The following DSCAM variants were observed in gnomAD, a reference collection of about 807,000 sequenced individuals.
DSCAM encodes cell adhesion molecule DSCAM.
DSCAM carries 47 observed loss-of-function variants against 217.7 expected under a neutral mutation model. The ratio of observed to expected loss-of-function variants is 0.22; its 90% CI spans 0.17 to 0.28. The LOEUF (loss-of-function observed/expected upper bound fraction) is 0.28. DSCAM is among the 10% of genes least tolerant of loss of function. The pLI, the probability that DSCAM is intolerant of heterozygous loss-of-function variation, is 1.00. For missense variants in DSCAM, 2,080 were observed against 2,618.3 expected, an observed-to-expected ratio of 0.79 and a Z score of 4.49; for synonymous variants, 1,056 against 1,015.3, an observed-to-expected ratio of 1.04 and a Z score of -0.76.
At chr21:40,283,744 T>C (rs928922980) in intron 10 of DSCAM, among the ~76,000 whole-genome samples, 6 of 152,202 alleles carry the variant, frequency 3.9e-5, no homozygotes, top group Admixed American at 2.0e-4. Flanking sequence ...AGGAGAATAA[T>C]CCATTTACAT....
At chr21:40,693,114 G>T (rs146655760) in intron 2 of DSCAM, among the ~76,000 whole-genome samples, 158 bp from the exon 3 acceptor site, 1 of 152,010 alleles carries the variant, frequency 6.6e-6, no homozygotes, top group African/African-American at 2.4e-5. Flanking sequence ...GTCTTTCATC[G>T]CCTGACTTAA....
At chr21:40,606,389 C>A (rs2089238730) in intron 3 of DSCAM, among the ~76,000 whole-genome samples, 1 of 152,186 alleles carries the variant, frequency 6.6e-6, no homozygotes, top group Non-Finnish European at 1.5e-5. Flanking sequence ...TCCAGAGGAG[C>A]TGGAAATCCA....
At chr21:40,281,936 A>G (rs1392844771) in intron 10 of DSCAM, among the ~76,000 whole-genome samples, 1 of 152,188 alleles carries the variant, frequency 6.6e-6, no homozygotes, top group East Asian at 1.9e-4. Context: ...CGTTGCTTCA[A>G]TCAGAAGAGG....
chr21:40,201,919 G>A (rs1457032288), intron 11 of DSCAM, among the ~76,000 whole-genome samples: 1 of 152,158 alleles, frequency 6.6e-6, no homozygotes, highest in Non-Finnish European at 1.5e-5. Context: ...TGAGCCATGG[G>A]TTAGCCAGTT....
At chr21:40,416,771 ACT>A (rs2075375555) in intron 3 of DSCAM, among the ~76,000 whole-genome samples, 1 of 152,128 alleles carries the variant, frequency 6.6e-6, no homozygotes, top group Non-Finnish European at 1.5e-5. Context: ...GTATTATACT[ACT>A]CTCTAGTGGT....
intron 8 of DSCAM, among the ~76,000 whole-genome samples, chr21:40,318,086 C>CA (rs1156365304): frequency 6.8e-6 from 1 of 146,572 alleles, no homozygotes; most frequent in Non-Finnish European, 1.5e-5. Context: ...GTCGCAAGGA[C>CA]AAAAAACCAA....
chr21:40,554,475 T>G (rs1221960163), intron 3 of DSCAM, among the ~76,000 whole-genome samples: 1 of 152,148 alleles, frequency 6.6e-6, no homozygotes, highest in African/African-American at 2.4e-5. Context: ...TCCTTCACCT[T>G]GTGGACAATT....
chr21:40,509,843 G>T (rs1221208679), intron 3 of DSCAM, among the ~76,000 whole-genome samples: 1 of 152,156 alleles, frequency 6.6e-6, no homozygotes, highest in African/African-American at 2.4e-5. Context: ...AAAGAATCTA[G>T]GCTGGGTGAG....
intron 3 of DSCAM, among the ~76,000 whole-genome samples, chr21:40,690,668 T>C (rs2090528878): frequency 6.6e-6 from 1 of 151,612 alleles, no homozygotes; most frequent in South Asian, 2.1e-4. Flanking sequence ...CCTCACTAGA[T>C]ACACATTTCC....
At chr21:40,679,482 G>A (rs1417005080) in intron 3 of DSCAM, among the ~76,000 whole-genome samples, 18 of 152,188 alleles carry the variant, frequency 1.2e-4, no homozygotes, top group Non-Finnish European at 2.1e-4. Flanking sequence ...CATCTGTAAA[G>A]TGGGGCCGAC....
chr21:40,266,777 C>CATACATATAT (rs1555896634), intron 11 of DSCAM, among the ~76,000 whole-genome samples: 1 of 109,098 alleles, frequency 9.2e-6, no homozygotes, highest in East Asian at 2.6e-4. Context: ...TTTTCACATG[C>CATACATATAT]ATATATATAT....
At chr21:40,183,785 G>A (rs532399285) in intron 14 of DSCAM, among the ~76,000 whole-genome samples, 139 of 152,286 alleles carry the variant, frequency 9.1e-4, no homozygotes, top group African/African-American at 2.6e-3. Context: ...TTTCTGTTAC[G>A]AATGTGAAGT....
chr21:40,609,404 T>C (rs138130436), intron 3 of DSCAM, among the ~76,000 whole-genome samples: 8 of 152,348 alleles, frequency 5.3e-5, no homozygotes, highest in East Asian at 1.9e-4. Context: ...TGGAGCAAGA[T>C]AGAACACCTG....
chr21:40,723,291 G>A (rs1177581708), intron 1 of DSCAM, among the ~76,000 whole-genome samples: 2 of 152,010 alleles, frequency 1.3e-5, no homozygotes, highest in Admixed American at 6.6e-5. Flanking sequence ...CTTCCAACTC[G>A]GGGTCTGTGC....
intron 3 of DSCAM, among the ~76,000 whole-genome samples, chr21:40,380,262 G>T (rs1341763145): frequency 1.3e-5 from 2 of 152,142 alleles, no homozygotes; most frequent in Admixed American, 1.3e-4. Flanking sequence ...CTTTGCTCTA[G>T]TTAGATTTCT....
At position 40,805,717 on chromosome 21, in the gene DSCAM, C is replaced by CT. The variant is rs34008527; in HGVS notation, c.43+40901dup. Among the ~76,000 whole-genome samples the CT allele has an allele frequency of 3.6e-4, 54 of 149,454 alleles. No homozygotes were observed. The South Asian group carries it at 5.9e-3, about 16-fold the overall frequency. Reference sequence around the variant, plus strand: ...CACAATGTTTTCTTTCTTTTCTTTTCTTTTTTTTTTTAATGGAGTCTTGCT... The same window carrying CT: ...CACAATGTTTTCTTTCTTTTCTTTTCTTTTTTTTTTTTAATGGAGTCTTGCT... On this transcript the variant is annotated intron_variant, in intron 1 of 32. Coordinates refer to ENST00000400454, the MANE Select transcript of DSCAM (RefSeq NM_001389.5).
At chr21:40,783,770 A>C (rs2091567936) in intron 1 of DSCAM, among the ~76,000 whole-genome samples, 1 of 152,208 alleles carries the variant, frequency 6.6e-6, no homozygotes, top group African/African-American at 2.4e-5. Context: ...GTCCATGAGC[A>C]CTGCATTGTT....
At chr21:40,077,321 T>C (rs1233484027) in intron 26 of DSCAM, among the ~76,000 whole-genome samples, 2 of 152,074 alleles carry the variant, frequency 1.3e-5, no homozygotes, top group Non-Finnish European at 2.9e-5. Flanking sequence ...TGTGGAAAAA[T>C]GACCTTGGAC....
At chr21:40,444,394 C>T (rs2075657366) in intron 3 of DSCAM, among the ~76,000 whole-genome samples, 1 of 152,120 alleles carries the variant, frequency 6.6e-6, no homozygotes, top group Non-Finnish European at 1.5e-5. Context: ...AGAGAAAACC[C>T]CACATACTTA....
Sources: gnomAD v4.1 joint callset for allele counts (sites outside exome capture counted in the v4.1 genomes callset) on GRCh38, gnomAD v4.1.1 for gene constraint, MANE v1.5 for transcripts, NCBI Gene and HGNC (gene_info 2026-07-23, HGNC 2026-07-21) for gene names.